DIAPH3: variants seen among roughly 807,000 people sequenced by gnomAD.
The protein encoded by DIAPH3 is protein diaphanous homolog 3.
DIAPH3 carries 117 observed loss-of-function variants against 144.3 expected under a neutral mutation model. The ratio of observed to expected loss-of-function variants is 0.81; its 90% CI spans 0.70 to 0.95. DIAPH3 has a LOEUF of 0.95. DIAPH3 is among the 40% of genes least tolerant of loss of function. The probability of loss-of-function intolerance (pLI) is 0.00; values close to 1 mark genes in which losing one functional copy is unlikely to be tolerated. For synonymous variants in DIAPH3, 519 were observed against 488.9 expected (o/e 1.06, Z -0.81); for missense variants, 1,421 against 1,412.7 (o/e 1.01, Z -0.09).
chr13:60,023,919 A>T (rs2054205280), intron 5 of DIAPH3, among the ~76,000 whole-genome samples: 1 of 131,558 alleles, frequency 7.6e-6, no homozygotes, highest in Non-Finnish European at 1.5e-5. Flanking sequence ...GCAATGGCAC[A>T]ATCTCAGCTC....
Position 59,879,282 on chromosome 13 carries a change from C to A in DIAPH3, c.2554G>T (p.Ala852Ser), listed in dbSNP as rs1488932668. The change falls in exon 21 of 28, where the codon GCT (alanine) becomes TCT (serine). Residue 852 changes from alanine to serine, a missense_variant. Transcript: ENST00000400324. The stretch of plus-strand genomic sequence containing the variant: ...AAGGTTTGAGCATTCCGGGAGCCAG[C>A]ATTCATGTAGTTTCCCATTAGCAAT... ...LVLLMGNYMN[A>S]GSRNAQTFGF... 3.1e-6 allele frequency: 5 copies of A among 1,613,750 alleles called. No homozygotes were observed. The highest frequency in any genetic ancestry group is 3.4e-6 in the Non-Finnish European group (4 of 1,179,848).
At chr13:60,005,537 GT>G (rs2052806622) in intron 9 of DIAPH3, among the ~76,000 whole-genome samples, 3 of 152,072 alleles carry the variant, frequency 2.0e-5, no homozygotes. Context: ...CTGGAGTGCA[GT>G]GGCATGTTCT....
intron 17 of DIAPH3, among the ~76,000 whole-genome samples, chr13:59,968,779 C>T (rs1235849714): frequency 6.6e-6 from 1 of 152,124 alleles, no homozygotes; most frequent in Non-Finnish European, 1.5e-5. Context: ...CAAAGGAATA[C>T]TAATACATTT....
chr13:59,776,036 G>A (rs1034756684), intron 25 of DIAPH3, among the ~76,000 whole-genome samples: 4 of 152,158 alleles, frequency 2.6e-5, no homozygotes, highest in African/African-American at 9.7e-5. Context: ...TAACTTGCAG[G>A]CATTCTTTAT....
At chr13:60,106,450 T>C (rs1023778536) in intron 3 of DIAPH3, among the ~76,000 whole-genome samples, 1 of 152,150 alleles carries the variant, frequency 6.6e-6, no homozygotes, top group Non-Finnish European at 1.5e-5. Flanking sequence ...TATAGGAGAA[T>C]AGATTTATGA....
intron 27 of DIAPH3, among the ~76,000 whole-genome samples, chr13:59,682,797 CTTGTA>C (rs1273960905): frequency 1.3e-5 from 2 of 152,106 alleles, no homozygotes; most frequent in Non-Finnish European, 2.9e-5. Context: ...GCGATGCCAA[CTTGTA>C]TTGTATTTCT....
intron 25 of DIAPH3, among the ~76,000 whole-genome samples, chr13:59,791,118 C>T (rs545008640): frequency 6.6e-6 from 1 of 152,156 alleles, no homozygotes; most frequent in South Asian, 2.1e-4. Flanking sequence ...TGAGACTATA[C>T]CATGCCCAAG....
intron 17 of DIAPH3, among the ~76,000 whole-genome samples, chr13:59,936,321 T>G (rs964081384): frequency 6.6e-6 from 1 of 152,188 alleles, no homozygotes; most frequent in Non-Finnish European, 1.5e-5. Context: ...TTCTAAATTA[T>G]AATAATTAGC....
chr13:59,680,352 C>A (rs895131525), intron 27 of DIAPH3, among the ~76,000 whole-genome samples: 1 of 152,122 alleles, frequency 6.6e-6, no homozygotes, highest in Non-Finnish European at 1.5e-5. Context: ...TAAAAAAATG[C>A]TGTAGAGATT....
intron 25 of DIAPH3, among the ~76,000 whole-genome samples, chr13:59,799,627 T>C (rs2039801010): frequency 6.6e-6 from 1 of 152,224 alleles, no homozygotes; most frequent in South Asian, 2.1e-4. Flanking sequence ...TGCCAATCTA[T>C]TTTATGGGGT....
At chr13:59,760,401 G>T (rs2037516780) in intron 27 of DIAPH3, among the ~76,000 whole-genome samples, 1 of 152,136 alleles carries the variant, frequency 6.6e-6, no homozygotes, top group Non-Finnish European at 1.5e-5. Flanking sequence ...TAAGATGTGA[G>T]TAATAAAAGA....
chr13:60,026,846 T>C (rs1164367682), intron 5 of DIAPH3, among the ~76,000 whole-genome samples: 2 of 152,192 alleles, frequency 1.3e-5, no homozygotes, highest in Non-Finnish European at 2.9e-5. Flanking sequence ...ATCTTTTTTG[T>C]AATAAGAAAA....
Position 59,666,465 on chromosome 13 carries a change from A to G in DIAPH3, c.*119T>C, listed in dbSNP as rs1258531237. On this transcript the variant is annotated 3_prime_UTR_variant, in exon 28 of 28. Coordinates refer to ENST00000400324, the MANE Select transcript of DIAPH3 (RefSeq NM_001042517.2). The stretch of plus-strand genomic sequence containing the variant: ...ATATATTTAGCTTTATTTTTCTAAT[A>G]TATATCATAATTTAAAACTATATAA... 3.2e-5 allele frequency: 37 copies of G among 1,168,140 alleles called. No individual in the cohort carries two copies. Among genetic ancestry groups the G allele is most frequent in the Non-Finnish European group, 4.3e-5 (36 of 838,668 alleles). 72.4% of individuals were successfully genotyped at this position (1,168,140 alleles called of 1,614,324 possible).
intron 9 of DIAPH3, among the ~76,000 whole-genome samples, chr13:59,993,888 C>T (rs941138849): frequency 6.6e-6 from 1 of 151,642 alleles, no homozygotes; most frequent in African/African-American, 2.4e-5. Context: ...TCTCAAAGAG[C>T]AAATAATGCT....
At chr13:60,114,528 T>C (rs1321928039) in intron 2 of DIAPH3, among the ~76,000 whole-genome samples, 2 of 151,914 alleles carry the variant, frequency 1.3e-5, no homozygotes, top group Non-Finnish European at 2.9e-5. Context: ...GTGGAAATGG[T>C]ACAGAAGAAA....
chr13:59,694,680 C>T (rs972978526), intron 27 of DIAPH3, among the ~76,000 whole-genome samples: 1 of 151,966 alleles, frequency 6.6e-6, no homozygotes, highest in African/African-American at 2.4e-5. Context: ...TAAATGCTTC[C>T]TTTGTTCCTG....
chr13:59,667,963 A>C (rs143920300), intron 27 of DIAPH3, among the ~76,000 whole-genome samples: 15 of 152,312 alleles, frequency 9.8e-5, no homozygotes, highest in Non-Finnish European at 1.3e-4. Flanking sequence ...CTGCACTGTC[A>C]TTTTCTGACC....
At chr13:59,800,782 T>C (rs990765908) in intron 25 of DIAPH3, among the ~76,000 whole-genome samples, 4 of 152,176 alleles carry the variant, frequency 2.6e-5, no homozygotes, top group African/African-American at 9.7e-5. Flanking sequence ...GTGAACGGTA[T>C]TTCCAACGAT....
At chr13:59,898,097 T>A (rs1419092230) in intron 20 of DIAPH3, among the ~76,000 whole-genome samples, 1 of 119,420 alleles carries the variant, frequency 8.4e-6, no homozygotes, top group African/African-American at 3.3e-5. Context: ...ATTGCACCAC[T>A]GAACTCCAGC....
Sources: allele counts gnomAD v4.1 joint callset (sites outside exome capture counted in the v4.1 genomes callset), GRCh38; gene constraint gnomAD v4.1.1; transcripts MANE v1.5; gene names NCBI Gene and HGNC (gene_info 2026-07-23, HGNC 2026-07-21).